Variants in ADAR observed in about 807,000 individuals in gnomAD.
ADAR encodes adenosine deaminase RNA specific.
Under a neutral mutation model 113.2 loss-of-function variants are expected in ADAR, and 41 were observed. The observed-to-expected ratio is 0.36, with a 90% confidence interval of 0.28 to 0.47. The LOEUF is 0.47. ADAR is among the 20% of genes least tolerant of loss of function. ADAR has a pLI of 1.00. For synonymous variants in ADAR, 605 were observed against 572.6 expected (o/e 1.06, Z -0.81); for missense variants, 1,242 against 1,540.9 (o/e 0.81, Z 3.25).
chr1:154,602,691 C>G, intron 1 of ADAR, 65 bp from the exon 2 acceptor site: 1 of 1,584,506 alleles, frequency 6.3e-7, no homozygotes, highest in Non-Finnish European at 8.6e-7. Flanking sequence ...TGTGGAGGCC[C>G]CTCCCTTTGC....
Position 154,598,443 on chromosome 1 carries a change from C to T in ADAR, c.1744G>A (p.Glu582Lys). 6.2e-7 allele frequency: 1 copy of T among 1,614,220 alleles called. No homozygotes were observed. The highest frequency in any genetic ancestry group is 8.5e-7 in the Non-Finnish European group (1 of 1,180,034). The change falls in exon 3 of 15, where the codon GAA becomes AAA. Residue 582 changes from glutamate (E) to lysine (K), a missense_variant. Glu to Lys is a moderately conservative substitution (Grantham distance 56, BLOSUM62 1). Around this residue, in one of 2 missense-constraint regions of ADAR, gnomAD observed 780 missense variants for 1,057.9 expected, o/e 0.74. Transcript: ENST00000368474. ...TCTGTGGAATAGTGGGATGATTCTT[C>T]TGATTTTCCACTGTCCTTGGCTTTG... ...EAKAKDSGKS[E>K]ESSHYSTEKE... is the part of the protein sequence containing the mutation.
Position 154,608,124 on chromosome 1 carries a change from C to G in ADAR, c.-118G>C. The G allele has an allele frequency of 7.6e-7, 1 of 1,317,090 alleles. No homozygotes were observed. Among genetic ancestry groups the G allele is most frequent in the South Asian group, 1.6e-5 (1 of 61,146 alleles). 81.6% of individuals were successfully genotyped at this position (1,317,090 alleles called of 1,614,324 possible). On this transcript the variant is annotated 5_prime_UTR_variant, in exon 1 of 15. Coordinates refer to ENST00000368474, the MANE Select transcript of ADAR (RefSeq NM_001111.5). ...TCCGCTACTCCGCACTGGAAGTGGC[C>G]CCGGGGCGTCGGCACGGGAAACTCC...
intron 6 of ADAR, among the ~76,000 whole-genome samples, chr1:154,593,366 C>T (rs369161947): frequency 1.3e-4 from 20 of 152,156 alleles, no homozygotes; most frequent in African/African-American, 4.8e-4. Context: ...CTCTGTGTCC[C>T]CACAGCACTC....
rs755535385 is a variant in ADAR at position 154,596,995 on chromosome 1, G to A, written c.2080C>T (p.Pro694Ser). 1.2e-5 allele frequency: 20 copies of A among 1,613,984 alleles called. No homozygotes were observed. The highest frequency in any genetic ancestry group is 1.1e-4 in the African/African-American group (8 of 74,896). Residue 694 changes from proline to serine, a missense_variant and splice_region_variant, in exon 6 of 15, where the codon CCT becomes TCT. Transcript: ENST00000368474. Reference sequence around the variant, plus strand: ...AGTGACTCTGAGATCATACCTTCAGGCTAAAGGAGAATCCATCAAACAGAG... The same window carrying A: ...AGTGACTCTGAGATCATACCTTCAGACTAAAGGAGAATCCATCAAACAGAG... ...ATNSMASDNQ[P>S]EGMISESLDN... is the part of the protein sequence containing the mutation.
intron 1 of ADAR, 69 bp downstream of exon 1, chr1:154,607,923 C>G: frequency 6.2e-7 from 1 of 1,606,072 alleles, no homozygotes; most frequent in Non-Finnish European, 8.5e-7. Context: ...CTACGCACTG[C>G]AACACAAAGC....
chr1:154,610,808 C>CAAAAAAAAAAAAAAAAAAAAAA (rs1369386387), upstream of ADAR, among the ~76,000 whole-genome samples: 2 of 40,530 alleles, frequency 4.9e-5, no homozygotes, highest in Non-Finnish European at 1.3e-4. Flanking sequence ...GACACCGTCT[C>CAAAAAAAAAAAAAAAAAAAAAA]AAAAAAAAAA....
chr1:154,617,095 TGA>T (rs1650896945), intron 1 of ADAR, among the ~76,000 whole-genome samples: 1 of 152,218 alleles, frequency 6.6e-6, no homozygotes, highest in Non-Finnish European at 1.5e-5. Flanking sequence ...ATAGACATAG[TGA>T]GAGATAACTT....
At chr1:154,585,933 G>T in intron 12 of ADAR, 68 bp from the exon 13 acceptor site, 1 of 1,434,112 alleles carries the variant, frequency 7.0e-7, no homozygotes, top group Non-Finnish European at 9.7e-7. Context: ...GCAGAAGCAT[G>T]TGGGGATTTT....
chr1:154,609,334 C>T (rs116415743), upstream of ADAR, among the ~76,000 whole-genome samples: 4,153 of 152,292 alleles, frequency 0.027, 198 homozygotes, highest in African/African-American at 0.095. Flanking sequence ...TTCTAGGGTT[C>T]AACACCATCC....
intron 1 of ADAR, among the ~76,000 whole-genome samples, chr1:154,625,941 T>A (rs983231181): frequency 6.7e-6 from 1 of 149,262 alleles, no homozygotes; most frequent in Non-Finnish European, 1.5e-5. Context: ...GAGGTAGAGT[T>A]TGCAGTGAGC....
intron 2 of ADAR, chr1:154,600,336 T>C (rs1697783759): frequency 6.6e-6 from 1 of 152,396 alleles, no homozygotes; most frequent in African/African-American, 2.4e-5. Context: ...AATTTTTGTA[T>C]TTTTAGTAGA....
Position 154,588,610 on chromosome 1 carries a change from A to G in ADAR, c.2826T>C (p.Pro942=), listed in dbSNP as rs1315965257. ...TTTGGAGCTTTTCTCCTCCCTTAGC[A>G]GGTTCAAATATACTATCCTTCGCAG... ...SQTAKDSIFE[P]AKGGEKLQIK... is the part of the protein sequence containing the mutation. The change falls in exon 10 of 15, where the codon CCT becomes CCC. Residue 942 remains proline (P), a synonymous_variant. Coordinates refer to ENST00000368474, the MANE Select transcript of ADAR (RefSeq NM_001111.5). The G allele has an allele frequency of 6.2e-7, 1 of 1,614,114 alleles. No homozygotes were observed. Among genetic ancestry groups the G allele is most frequent in the East Asian group, 2.2e-5 (1 of 44,888 alleles).
At chr1:154,610,627 A>C (rs557158938), upstream of ADAR, among the ~76,000 whole-genome samples, 166 of 152,008 alleles carry the variant, frequency 1.1e-3, no homozygotes, top group South Asian at 4.0e-3. Flanking sequence ...TGGCCAACAT[A>C]GTGAAACCCC....
chr1:154,593,495 T>C (rs1697301664), intron 6 of ADAR, among the ~76,000 whole-genome samples: 1 of 152,172 alleles, frequency 6.6e-6, no homozygotes, highest in Non-Finnish European at 1.5e-5. Context: ...ACATTCTCAA[T>C]GAATGGCTGA....
rs139471471 is a variant in ADAR, at chr1:154,601,986, C to T, written c.656G>A (p.Gly219Glu). Residue 219 changes from glycine to glutamate, a missense_variant, in exon 2 of 15, where the codon GGA becomes GAA. This residue lies in a region of ADAR where 462 missense variants were observed against 483.1 expected (regional missense o/e 0.96). Transcript: ENST00000368474. This position sits in a 1 kb window ranked among gnomAD's most constrained non-coding sequence, Gnocchi z 4.7. Reference protein sequence around the residue: ...GVVRPDGHSQGAPNSDPSLEP... With the variant: ...GVVRPDGHSQEAPNSDPSLEP... ...CAAACTCGGGTCTGAGTTTGGGGCT[C>T]CTTGGCTATGACCGTCTGGTCTTAC... 10 of 1,613,994 alleles carry T rather than the reference C, an allele frequency of 6.2e-6. No individual in the cohort carries two copies. Among genetic ancestry groups the T allele is most frequent in the Admixed American group, 1.7e-5 (1 of 59,996 alleles).
At chr1:154,626,774 A>G (rs988835519) in intron 1 of ADAR, among the ~76,000 whole-genome samples, 12 of 152,232 alleles carry the variant, frequency 7.9e-5, no homozygotes, top group African/African-American at 2.9e-4. Context: ...ACAGCTGCAA[A>G]GTGGCAGACC....
chr1:154,594,220 C>G (rs907321600), intron 6 of ADAR, among the ~76,000 whole-genome samples: 1 of 152,138 alleles, frequency 6.6e-6, no homozygotes, highest in Admixed American at 6.6e-5. Context: ...TTTAAAGTAA[C>G]AAGATAGCAT....
In ADAR at chr1:154,615,029, G is replaced by A. The variant is rs568097587; in HGVS notation, c.-870-12403C>T. Among the ~76,000 whole-genome samples the A allele has an allele frequency of 5.3e-5, 8 of 152,300 alleles. No individual in the cohort carries two copies. In the East Asian group the frequency reaches 7.7e-4, roughly 15 times the overall value. ...AGATGCTAGCCTTGAAGACTAGAGC[G>A]ACGCAGCCGCAACACAAGCGATGCC... On this transcript the variant is annotated intron_variant, in intron 1 of 14. Transcript: ENST00000368471.
chr1:154,599,452 C>T (rs576705513), intron 2 of ADAR, among the ~76,000 whole-genome samples: 1 of 152,310 alleles, frequency 6.6e-6, no homozygotes, highest in African/African-American at 2.4e-5. Flanking sequence ...GAATGACGGC[C>T]ATCCAGTCTC....
Sources: allele counts gnomAD v4.1 joint callset (sites outside exome capture counted in the v4.1 genomes callset), GRCh38; gene constraint gnomAD v4.1.1; regional missense constraint gnomAD v4.1.1; non-coding constraint Gnocchi (gnomAD v3.1); transcripts MANE v1.5; gene names NCBI Gene and HGNC (gene_info 2026-07-23, HGNC 2026-07-21).